NCK1: variants seen among roughly 807,000 people sequenced by gnomAD.
NCK1 encodes SH2/SH3 adapter protein NCK1.
In NCK1, 19 loss-of-function variants were observed where a neutral mutation model predicts 36.6. The observed-to-expected ratio is 0.52, with a 90% confidence interval of 0.36 to 0.76. The LOEUF (loss-of-function observed/expected upper bound fraction) is 0.76. NCK1 is among the 30% of genes least tolerant of loss of function. The probability of loss-of-function intolerance (pLI) is 0.00; values close to 1 mark genes in which losing one functional copy is unlikely to be tolerated. For missense variants in NCK1, 358 were observed against 445.6 expected (o/e 0.80, Z 1.77); for synonymous variants, 165 against 156.0 (o/e 1.06, Z -0.43).
intron 1 of NCK1, among the ~76,000 whole-genome samples, chr3:136,880,289 A>C (rs564518480): frequency 1.3e-4 from 20 of 152,272 alleles, no homozygotes; most frequent in African/African-American, 4.8e-4. Context: ...CGTCTCAAAA[A>C]AAAAAAAAGA....
chr3:136,871,385 G>A (rs768767143), intron 1 of NCK1, among the ~76,000 whole-genome samples: 7 of 152,128 alleles, frequency 4.6e-5, no homozygotes, highest in East Asian at 1.9e-4. Flanking sequence ...GGGACAGAGC[G>A]AGACGCTGTC....
chr3:136,862,760 G>C (rs111530852), intron 1 of NCK1, among the ~76,000 whole-genome samples: 5 of 152,360 alleles, frequency 3.3e-5, no homozygotes, highest in African/African-American at 9.6e-5. Context: ...AGGTAGGGAC[G>C]TGGTAGGAGG....
chr3:136,916,333 G>A (rs553881604), intron 1 of NCK1, among the ~76,000 whole-genome samples: 36 of 152,280 alleles, frequency 2.4e-4, no homozygotes, highest in Admixed American at 1.5e-3. Context: ...GTTATGATTA[G>A]TCATAAGTTA....
In NCK1 at chr3:136,945,830, C is replaced by T. The variant is rs1443688330; in HGVS notation, c.474C>T (p.Asn158=). The T allele has an allele frequency of 6.2e-7, 1 of 1,614,108 alleles. No homozygotes were observed. The change falls in exon 3 of 4, where the codon AAC becomes AAT. Residue 158 remains asparagine (N), a synonymous_variant. Coordinates refer to ENST00000481752, the MANE Select transcript of NCK1 (RefSeq NM_001291999.2). ...YNGQVGWFPS[N]YVTEEGDSPL... ...GACAAGTTGGATGGTTCCCTTCAAA[C>T]TATGTAACTGAAGAAGGTGACAGTC...
intron 2 of NCK1, among the ~76,000 whole-genome samples, chr3:136,937,012 CTT>C (rs1406902604): frequency 2.0e-5 from 3 of 152,146 alleles, no homozygotes; most frequent in African/African-American, 7.2e-5. Context: ...GTTGCTTATG[CTT>C]TTAGTGTCAG....
intron 2 of NCK1, chr3:136,928,495 TTTGAACCATGAATCACTG>T (rs901984913): frequency 1.0e-5 from 4 of 397,486 alleles, no homozygotes; most frequent in Non-Finnish European, 1.8e-5. Flanking sequence ...GCAGGGGCTT[TTTGAACCATGAATCACTG>T]TTGGAGTTTA....
At chr3:136,876,750 G>T (rs1938784435) in intron 1 of NCK1, among the ~76,000 whole-genome samples, 1 of 151,986 alleles carries the variant, frequency 6.6e-6, no homozygotes, top group African/African-American at 2.4e-5. Flanking sequence ...TTAGTCAAAG[G>T]ATAGCTGTAA....
chr3:136,934,892 A>G (rs1940488895), intron 2 of NCK1, among the ~76,000 whole-genome samples: 1 of 152,160 alleles, frequency 6.6e-6, no homozygotes, highest in East Asian at 1.9e-4. Context: ...AGTCAAGGTT[A>G]AGAAGATTGT....
chr3:136,874,427 A>T (rs897704887), intron 1 of NCK1, among the ~76,000 whole-genome samples: 1 of 152,168 alleles, frequency 6.6e-6, no homozygotes, highest in African/African-American at 2.4e-5. Context: ...TGACCCGCCC[A>T]CCTTGGCCAC....
At chr3:136,883,302 C>T (rs544202293) in intron 1 of NCK1, among the ~76,000 whole-genome samples, 1 of 152,288 alleles carries the variant, frequency 6.6e-6, no homozygotes, top group Non-Finnish European at 1.5e-5. Flanking sequence ...TGTTCTCTGG[C>T]CACATCTCTA....
intron 1 of NCK1, among the ~76,000 whole-genome samples, chr3:136,920,357 C>CA (rs1940074565): frequency 6.6e-6 from 1 of 151,842 alleles, no homozygotes; most frequent in African/African-American, 2.4e-5. Context: ...AAAATAATGA[C>CA]AAAGGCAAAA....
intron 2 of NCK1, among the ~76,000 whole-genome samples, chr3:136,937,973 T>C (rs1184750051): frequency 6.6e-6 from 1 of 152,178 alleles, no homozygotes; most frequent in Non-Finnish European, 1.5e-5. Context: ...CTTGTTCTTG[T>C]CTTGTTCCTG....
chr3:136,912,289 C>T (rs993618640), intron 1 of NCK1, among the ~76,000 whole-genome samples: 2 of 151,314 alleles, frequency 1.3e-5, no homozygotes, highest in African/African-American at 2.4e-5. Flanking sequence ...CAGCCTCCCA[C>T]GTAGCTGGAA....
chr3:136,927,942 C>G (rs1360247441), intron 1 of NCK1, 42 bp from the exon 2 acceptor site: 22 of 1,356,892 alleles, frequency 1.6e-5, no homozygotes, highest in Non-Finnish European at 2.0e-5. Flanking sequence ...TGAACTAATA[C>G]TACCTCAACC....
Position 136,948,636 on chromosome 3 carries a change from G to T in NCK1, c.*183G>T, listed in dbSNP as rs1467635721. 4.6e-6 allele frequency: 2 copies of T among 434,550 alleles called. No individual in the cohort carries two copies. The highest frequency in any genetic ancestry group is 5.7e-5 in the South Asian group (1 of 17,592). The allele number at this position is 434,550 out of a possible 1,614,324, so 26.9% of individuals were successfully genotyped here. ...TATATACTATGTATGCAGTGCATCTGCATAGAACAGTTCCTTATCCTTGGC... is the reference window on the plus strand; with the variant it reads ...TATATACTATGTATGCAGTGCATCTTCATAGAACAGTTCCTTATCCTTGGC... On this transcript the variant is annotated 3_prime_UTR_variant, in exon 4 of 4. Coordinates refer to ENST00000481752, the MANE Select transcript of NCK1 (RefSeq NM_001291999.2).
chr3:136,913,870 G>A (rs906145380), intron 1 of NCK1, among the ~76,000 whole-genome samples: 1 of 152,120 alleles, frequency 6.6e-6, no homozygotes, highest in Non-Finnish European at 1.5e-5. Context: ...GGGTTTCACC[G>A]TGTTAGCCAG....
intron 1 of NCK1, among the ~76,000 whole-genome samples, chr3:136,926,874 T>C (rs1322718443): frequency 1.3e-5 from 2 of 152,216 alleles, no homozygotes; most frequent in African/African-American, 2.4e-5. Context: ...TGTGTTTCAT[T>C]TGTTTTCTAT....
chr3:136,899,816 A>C, intron 1 of NCK1: 1 of 1,487,424 alleles, frequency 6.7e-7, no homozygotes, highest in Non-Finnish European at 9.4e-7. Flanking sequence ...TCACTGATAA[A>C]GCTAGTGCAA....
In NCK1 at chr3:136,903,324, T is replaced by TCA. The variant is rs1939596190; in HGVS notation, c.-18-24659_-18-24658dup. Reference sequence around the variant, plus strand: ...GAATATCTTTTTCCATCCCTTAATTTCAGCCTATATGTCTTTACAGGTGAG... The same window carrying TCA: ...GAATATCTTTTTCCATCCCTTAATTTCACAGCCTATATGTCTTTACAGGTGAG... On this transcript the variant is annotated intron_variant, in intron 1 of 3. Coordinates refer to ENST00000481752, the MANE Select transcript of NCK1 (RefSeq NM_001291999.2). Among the ~76,000 whole-genome samples the TCA allele has an allele frequency of 3.3e-5, 5 of 152,338 alleles. No individual in the cohort carries two copies. The South Asian group carries it at 1.0e-3, about 32-fold the overall frequency.
Sources: gnomAD v4.1 joint callset for allele counts (sites outside exome capture counted in the v4.1 genomes callset) on GRCh38, gnomAD v4.1.1 for gene constraint, MANE v1.5 for transcripts, NCBI Gene and HGNC (gene_info 2026-07-23, HGNC 2026-07-21) for gene names.